Variants in MEI1 observed in about 807,000 individuals in gnomAD.
MEI1 encodes the protein meiosis inhibitor protein 1.
Under a neutral mutation model 146.2 loss-of-function variants are expected in MEI1, and 103 were observed. The ratio of observed to expected loss-of-function variants is 0.70; its 90% CI spans 0.60 to 0.83. The LOEUF is 0.83. MEI1 is among the 40% of genes least tolerant of loss of function. The probability of loss-of-function intolerance (pLI) is 0.00; values close to 1 mark genes in which losing one functional copy is unlikely to be tolerated. For synonymous variants in MEI1, 652 were observed against 628.2 expected, an observed-to-expected ratio of 1.04 and a Z score of -0.57; for missense variants, 1,529 against 1,533.0, an observed-to-expected ratio of 1.00 and a Z score of 0.04.
intron 6 of MEI1, among the ~76,000 whole-genome samples, chr22:41,718,978 T>C (rs2070472475): frequency 6.8e-6 from 1 of 146,040 alleles, no homozygotes; most frequent in Non-Finnish European, 1.5e-5. Context: ...TTCAAGTGAT[T>C]CTTTTTTTTT....
chr22:41,733,616 C>T lies in MEI1; in HGVS notation c.1331+1013C>T, dbSNP rs143557652. ...ACAAAAACTTAACTGGGCATGATGG[C>T]GCATGCCTGTAGTCCCAGCTACTCA... On this transcript the variant is annotated intron_variant, in intron 11 of 30. Coordinates refer to ENST00000401548, the MANE Select transcript of MEI1 (RefSeq NM_152513.4). Among the ~76,000 whole-genome samples, 1,201 of 151,204 alleles carry T rather than the reference C, an allele frequency of 7.9e-3. 8 individuals are homozygous for T. The highest frequency in any genetic ancestry group is 0.012 in the Non-Finnish European group (806 of 67,868).
At chr22:41,736,251 T>G (rs1055416141) in intron 11 of MEI1, among the ~76,000 whole-genome samples, 16 of 109,748 alleles carry the variant, frequency 1.5e-4, no homozygotes, top group Non-Finnish European at 2.2e-4. Flanking sequence ...CTTTTTTCTT[T>G]TTCTTTTTTT....
At chr22:41,717,957 T>C in intron 5 of MEI1, 114 bp from the exon 6 acceptor site, 1 of 871,272 alleles carries the variant, frequency 1.1e-6, no homozygotes, top group African/African-American at 1.7e-5. Context: ...GCATTTTTTG[T>C]GGGGGATTAT....
At chr22:41,729,529 CCAT>C in intron 7 of MEI1, 133 bp from the exon 8 acceptor site, 1 of 673,146 alleles carries the variant, frequency 1.5e-6, no homozygotes, top group South Asian at 1.6e-5. Flanking sequence ...CTCCTGACCA[CCAT>C]CCTTGTGCCT....
At chr22:41,757,820 C>T (rs995934063) in intron 17 of MEI1, among the ~76,000 whole-genome samples, 3 of 152,180 alleles carry the variant, frequency 2.0e-5, no homozygotes, top group Non-Finnish European at 2.9e-5. Context: ...GAGTAGTAGC[C>T]ACTCAATGAA....
In MEI1 at chr22:41,743,208, A is replaced by T; in HGVS notation, c.1446+14A>T. 6.4e-7 allele frequency: 1 copy of T among 1,573,112 alleles called. No individual in the cohort carries two copies. Among genetic ancestry groups the T allele is most frequent in the Non-Finnish European group, 8.7e-7 (1 of 1,144,182 alleles). ...AGGAGGCCCCTGGTCAGTGTACTGCAGCCTGCTGCTTCCGAAGATCATGCT... is the reference window on the plus strand; with the variant it reads ...AGGAGGCCCCTGGTCAGTGTACTGCTGCCTGCTGCTTCCGAAGATCATGCT... On this transcript the variant is annotated intron_variant, in intron 12 of 30. Coordinates refer to ENST00000401548, the MANE Select transcript of MEI1 (RefSeq NM_152513.4).
intron 24 of MEI1, among the ~76,000 whole-genome samples, chr22:41,782,171 C>T (rs1024882623): frequency 1.3e-5 from 2 of 152,106 alleles, no homozygotes; most frequent in Non-Finnish European, 2.9e-5. Context: ...TTGTACTCAG[C>T]AAAGATAGTG....
intron 12 of MEI1, 71 bp downstream of exon 12, chr22:41,743,265 T>G: frequency 9.4e-7 from 1 of 1,065,070 alleles, no homozygotes; most frequent in Non-Finnish European, 1.4e-6. Flanking sequence ...AATTAGTATA[T>G]TCCCTTACTT....
chr22:41,781,977 G>C (rs2075774130), intron 24 of MEI1, 132 bp downstream of exon 24: 1 of 983,632 alleles, frequency 1.0e-6, no homozygotes. Context: ...CCCTTTCTGA[G>C]CTCAGTTTCC....
At chr22:41,736,558 AT>A (rs1255650422) in intron 11 of MEI1, among the ~76,000 whole-genome samples, 8 of 151,290 alleles carry the variant, frequency 5.3e-5, no homozygotes, top group Admixed American at 3.3e-4. Context: ...TGGCCAAAAA[AT>A]TTTTTTTTAT....
chr22:41,718,341 A>G (rs1439356283), intron 6 of MEI1, 67 bp downstream of exon 6: 7 of 1,491,712 alleles, frequency 4.7e-6, no homozygotes, highest in Admixed American at 1.9e-5. Context: ...GACTTGAGAT[A>G]TTGGGTTCTC....
At chr22:41,764,145 A>G (rs922988940) in intron 19 of MEI1, among the ~76,000 whole-genome samples, 3 of 152,182 alleles carry the variant, frequency 2.0e-5, no homozygotes, top group Admixed American at 6.5e-5. Flanking sequence ...TATTTTTAGT[A>G]GAGACGGGGT....
At chr22:41,758,332 T>A (rs751361364) in intron 17 of MEI1, 33 bp from the exon 18 acceptor site, 24 of 1,597,002 alleles carry the variant, frequency 1.5e-5, no homozygotes, top group Non-Finnish European at 1.9e-5. Flanking sequence ...CTATGTTCTC[T>A]GTGTGGCTTT....
chr22:41,765,238 A>G (rs1468499139), intron 19 of MEI1, among the ~76,000 whole-genome samples: 1 of 152,060 alleles, frequency 6.6e-6, no homozygotes, highest in East Asian at 1.9e-4. Context: ...CTGGTCTCTA[A>G]CTCCTGACCT....
At chr22:41,744,039 G>A (rs1046535563) in intron 12 of MEI1, among the ~76,000 whole-genome samples, 5 of 151,834 alleles carry the variant, frequency 3.3e-5, no homozygotes, top group African/African-American at 1.2e-4. Context: ...ACCACACCTG[G>A]CTAATTTTTG....
intron 20 of MEI1, 53 bp downstream of exon 20, chr22:41,771,014 C>G (rs1602063637): frequency 6.3e-7 from 1 of 1,576,646 alleles, no homozygotes; most frequent in East Asian, 2.2e-5. Flanking sequence ...CCTTCTCTCT[C>G]TGAGAGCCGG....
At chr22:41,750,022 T>C (rs1440269802) in intron 15 of MEI1, among the ~76,000 whole-genome samples, 1 of 152,088 alleles carries the variant, frequency 6.6e-6, no homozygotes, top group African/African-American at 2.4e-5. Context: ...TAGATATAGG[T>C]ATAGAAATCT....
At chr22:41,729,319 A>G (rs2071652235) in intron 7 of MEI1, among the ~76,000 whole-genome samples, 1 of 152,152 alleles carries the variant, frequency 6.6e-6, no homozygotes, top group African/African-American at 2.4e-5. Context: ...CAGCCTGGGC[A>G]ACAGAGTGAG....
rs1444404498 is a variant in MEI1, at chr22:41,781,266, G to A, written c.2816-18G>A. 6.3e-7 allele frequency: 1 copy of A among 1,590,668 alleles called. No homozygotes were observed. Among genetic ancestry groups the A allele is most frequent in the Non-Finnish European group, 8.6e-7 (1 of 1,165,050 alleles). ...AGTGTTTTGCGACAGGCCGACTGGG[G>A]ACTTTCATCTCTTGCAGTAAGCAAG... is the stretch of plus-strand genomic sequence containing the variant. On this transcript the variant is annotated intron_variant, in intron 22 of 30. Transcript: ENST00000401548.
Sources: gnomAD v4.1 joint callset for allele counts (sites outside exome capture counted in the v4.1 genomes callset) on GRCh38, gnomAD v4.1.1 for gene constraint, MANE v1.5 for transcripts, NCBI Gene and HGNC (gene_info 2026-07-23, HGNC 2026-07-21) for gene names.